Variants in ZNF518A observed in about 807,000 individuals in gnomAD.
ZNF518A encodes the protein zinc finger protein 518A.
A neutral mutation model predicts 102.7 loss-of-function variants in ZNF518A; 47 were observed. The ratio of observed to expected loss-of-function variants is 0.46; its 90% CI spans 0.36 to 0.58. The LOEUF (loss-of-function observed/expected upper bound fraction) is 0.58, where lower values mean the gene tolerates loss of function less well. ZNF518A is among the 20% of genes least tolerant of loss of function. The pLI, the probability that ZNF518A is intolerant of heterozygous loss-of-function variation, is 0.00. For missense variants in ZNF518A, 1,793 were observed against 1,699.8 expected (o/e 1.05, Z -0.96); for synonymous variants, 652 against 594.6 (o/e 1.10, Z -1.40).
In ZNF518A at chr10:96,189,782, C is replaced by T. The variant is rs1394614055; in HGVS notation, n.36-13792C>T. ...TTTATTCTCTGGAATCTTGCTACCA[C>T]CTCCAGGGACAGATCACTTTCCAGA... On this transcript the variant is annotated intron_variant and non_coding_transcript_variant, in intron 1 of 2. Transcript: ENST00000442635. 22 of 864,182 alleles carry T rather than the reference C, an allele frequency of 2.5e-5. No homozygotes were observed. In the East Asian group the frequency reaches 4.6e-4, roughly 18 times the overall value. 53.5% of individuals were successfully genotyped at this position (864,182 alleles called of 1,614,324 possible).
chr10:96,153,986 AG>A (rs1417958678), intron 3 of ZNF518A, among the ~76,000 whole-genome samples: 1 of 152,224 alleles, frequency 6.6e-6, no homozygotes, highest in Non-Finnish European at 1.5e-5. Context: ...CACATATTAG[AG>A]TATCTTACGA....
At chr10:96,191,971 C>G in intron 1 of ZNF518A, 1 of 1,613,340 alleles carries the variant, frequency 6.2e-7, no homozygotes, top group Non-Finnish European at 8.5e-7. Context: ...TTTTTTCCCC[C>G]TTTATGAAAC....
intron 3 of ZNF518A, among the ~76,000 whole-genome samples, chr10:96,146,136 G>A (rs1348929352): frequency 6.6e-6 from 1 of 151,568 alleles, no homozygotes; most frequent in African/African-American, 2.4e-5. Flanking sequence ...AGATATCATT[G>A]TGTTAATAAA....
downstream of ZNF518A, chr10:96,204,519 A>G (rs587704793): frequency 1.2e-6 from 2 of 1,613,332 alleles, no homozygotes; most frequent in South Asian, 2.2e-5. Flanking sequence ...TCTTTAAAGG[A>G]AAGGATTCTT....
Position 96,162,543 on chromosome 10 carries a change from GT to G in ZNF518A, c.*1772del, listed in dbSNP as rs2083038417. 6.0e-6 allele frequency: 1 copy of G among 166,834 alleles called. No homozygotes were observed. The highest frequency in any genetic ancestry group is 1.5e-5 in the Non-Finnish European group (1 of 67,998). The allele number at this position is 166,834 out of a possible 1,614,324, so 10.3% of individuals were successfully genotyped here. On this transcript the variant is annotated 3_prime_UTR_variant, in exon 6 of 6. Transcript: ENST00000316045. ...CATTATACTTGTACTGTTTTGTGCA[GT>G]TTGTCTACTTTCTTAGTGAAGTATT...
At chr10:96,183,771 T>A (rs148930001) in intron 1 of ZNF518A, among the ~76,000 whole-genome samples, 1 of 152,206 alleles carries the variant, frequency 6.6e-6, no homozygotes, top group Non-Finnish European at 1.5e-5. Flanking sequence ...AATGTGGTGA[T>A]GAGAATAATG....
intron 1 of ZNF518A, among the ~76,000 whole-genome samples, chr10:96,180,620 T>C (rs1461001891): frequency 6.6e-6 from 1 of 152,154 alleles, no homozygotes; most frequent in African/African-American, 2.4e-5. Context: ...TTGCGATAGT[T>C]TGCTCAGAAT....
At chr10:96,149,427 C>T (rs1280179660) in intron 3 of ZNF518A, among the ~76,000 whole-genome samples, 2 of 151,754 alleles carry the variant, frequency 1.3e-5, no homozygotes, top group South Asian at 2.1e-4. Context: ...ATTCGTTTTA[C>T]CCACTGTAGA....
In ZNF518A at chr10:96,179,452, A is replaced by G. The variant is rs367755309; in HGVS notation, n.35+23405A>G. Among the ~76,000 whole-genome samples the G allele has an allele frequency of 3.9e-5, 6 of 152,344 alleles. No individual in the cohort carries two copies. In the East Asian group the frequency reaches 9.6e-4, roughly 24 times the overall value. On this transcript the variant is annotated intron_variant and non_coding_transcript_variant, in intron 1 of 2. Transcript: ENST00000442635. ...CTACTACACAGCTAGTAGAATGGCT[A>G]AAATTAAAACTGACAGTATCAAGTA...
In ZNF518A at chr10:96,156,595, C is replaced by T. The variant is rs781864718; in HGVS notation, c.273C>T (p.Ser91=). The change falls in exon 6 of 6, where the codon AGC becomes AGT. Residue 91 remains serine (S), a synonymous_variant. Transcript: ENST00000316045. ...ARKSISIKTV[S]CVEECTLLHK... ...AATCTATCAGTATAAAGACTGTAAG[C>T]TGTGTAGAGGAGTGTACATTGCTTC... 1.2e-6 allele frequency: 2 copies of T among 1,613,712 alleles called. No individual in the cohort carries two copies.
chr10:96,190,693 C>T (rs1554893164), intron 1 of ZNF518A, among the ~76,000 whole-genome samples: 10 of 152,142 alleles, frequency 6.6e-5, no homozygotes, highest in Non-Finnish European at 1.5e-5. Flanking sequence ...AAGTGTGTTC[C>T]CCATTTAATT....
chr10:96,188,878 C>G (rs587765624), intron 1 of ZNF518A, among the ~76,000 whole-genome samples: 3 of 152,290 alleles, frequency 2.0e-5, no homozygotes, highest in African/African-American at 7.2e-5. Context: ...AATCAAGGTG[C>G]CACCAGGGCC....
chr10:96,202,844 T>C (rs956039882), intron 1 of ZNF518A, among the ~76,000 whole-genome samples: 16 of 152,178 alleles, frequency 1.1e-4, no homozygotes, highest in Admixed American at 5.2e-4. Context: ...CTATTCTGTT[T>C]TCAACATGCG....
chr10:96,198,445 A>C (rs1156264641), intron 1 of ZNF518A, among the ~76,000 whole-genome samples: 1 of 152,234 alleles, frequency 6.6e-6, no homozygotes, highest in Non-Finnish European at 1.5e-5. Context: ...ATTGATTTGG[A>C]ATTATCAACT....
intron 3 of ZNF518A, among the ~76,000 whole-genome samples, chr10:96,136,502 T>C (rs2081604757): frequency 1.3e-5 from 2 of 151,322 alleles, no homozygotes; most frequent in Admixed American, 6.6e-5. Context: ...AATGTAGCAA[T>C]AGATGTAAAA....
intron 3 of ZNF518A, among the ~76,000 whole-genome samples, chr10:96,139,098 T>G (rs2081776015): frequency 1.3e-5 from 2 of 151,966 alleles, no homozygotes; most frequent in Admixed American, 6.6e-5. Context: ...TGCAAAGGCC[T>G]GAGATAGGAT....
At chr10:96,183,444 G>A (rs2083251952) in intron 1 of ZNF518A, among the ~76,000 whole-genome samples, 1 of 151,964 alleles carries the variant, frequency 6.6e-6, no homozygotes, top group South Asian at 2.1e-4. Flanking sequence ...TTCTCTTGTG[G>A]GCATTTAGTG....
chr10:96,160,076 A>ATGAGTTTTTGTTTTTG lies in ZNF518A; in HGVS notation c.3754_3755insTGAGTTTTTGTTTTTG (p.Lys1252MetfsTer6), dbSNP rs2082928370. 6.3e-7 allele frequency: 1 copy of ATGAGTTTTTGTTTTTG among 1,590,088 alleles called. No individual in the cohort carries two copies. The highest frequency in any genetic ancestry group is 8.6e-7 in the Non-Finnish European group (1 of 1,161,936). On this transcript the variant is annotated stop_gained and frameshift_variant, in exon 6 of 6. Coordinates refer to ENST00000316045, the MANE Select transcript of ZNF518A (RefSeq NM_001330736.2). LOFTEE classifies it high-confidence loss of function. ...GAACTTCAATAGAAAAAAGACTTCC[A>ATGAGTTTTTGTTTTTG]AAAAAATTTTTTCAAAAACAAAAAC... is the stretch of plus-strand genomic sequence containing the variant.
chr10:96,202,993 C>A (rs1333206648), intron 1 of ZNF518A, among the ~76,000 whole-genome samples: 1 of 152,172 alleles, frequency 6.6e-6, no homozygotes, highest in Non-Finnish European at 1.5e-5. Context: ...CCTGCTGCTG[C>A]GCTGTATTTT....
Sources: gnomAD v4.1 joint callset for allele counts (sites outside exome capture counted in the v4.1 genomes callset) on GRCh38, gnomAD v4.1.1 for gene constraint, MANE v1.5 for transcripts, NCBI Gene and HGNC (gene_info 2026-07-23, HGNC 2026-07-21) for gene names.